The following PDE1A variants were observed in gnomAD, a reference collection of about 807,000 sequenced individuals.
The protein encoded by PDE1A is dual specificity calcium/calmodulin-dependent 3',5'-cyclic nucleotide phosphodiesterase 1A.
Under a neutral mutation model 61.7 loss-of-function variants are expected in PDE1A, and 35 were observed. That is an observed-to-expected ratio of 0.57 (90% CI 0.43 to 0.75). The LOEUF (loss-of-function observed/expected upper bound fraction) is 0.75, where lower values mean the gene tolerates loss of function less well. PDE1A is among the 30% of genes least tolerant of loss of function. The pLI is 0.00. For synonymous variants in PDE1A, 232 were observed against 213.2 expected, an observed-to-expected ratio of 1.09 and a Z score of -0.77; for missense variants, 597 against 630.6, an observed-to-expected ratio of 0.95 and a Z score of 0.57.
upstream of PDE1A, among the ~76,000 whole-genome samples, chr2:182,525,451 C>A (rs1690764193): frequency 6.6e-6 from 1 of 152,128 alleles, no homozygotes; most frequent in Admixed American, 6.6e-5. Flanking sequence ...TAGTTTGGAT[C>A]TGTGCCCACT....
At chr2:182,525,239 AT>A (rs568257840), upstream of PDE1A, among the ~76,000 whole-genome samples, 31 of 152,108 alleles carry the variant, frequency 2.0e-4, no homozygotes, top group South Asian at 3.3e-3. Flanking sequence ...ATATTACTTG[AT>A]TTTTTTCCTT....
At chr2:182,222,893 G>T (rs1358643005) in intron 7 of PDE1A, among the ~76,000 whole-genome samples, 2 of 151,978 alleles carry the variant, frequency 1.3e-5, no homozygotes, top group Non-Finnish European at 2.9e-5. Context: ...GTTGGATCCT[G>T]ATGGGGCCTA....
the PDE1A span, among the ~76,000 whole-genome samples, chr2:182,537,723 G>A: frequency 1.3e-5 from 2 of 152,016 alleles, no homozygotes; most frequent in East Asian, 3.9e-4. Flanking sequence ...CAAGCAGAGG[G>A]AGCAGCAAAT....
At chr2:182,479,514 G>A (rs953522419) in intron 2 of PDE1A, among the ~76,000 whole-genome samples, 3 of 151,710 alleles carry the variant, frequency 2.0e-5, no homozygotes, top group Admixed American at 6.6e-5. Context: ...AAGGCAGGCA[G>A]GCAAGAAGGA....
intron 1 of PDE1A, among the ~76,000 whole-genome samples, chr2:182,341,505 T>C (rs982689002): frequency 4.6e-5 from 7 of 152,204 alleles, no homozygotes; most frequent in Non-Finnish European, 1.5e-5. Context: ...ATCTACCTCA[T>C]AGTTCCCTTC....
chr2:182,421,254 T>C (rs1285586579), intron 1 of PDE1A, among the ~76,000 whole-genome samples: 1 of 152,150 alleles, frequency 6.6e-6, no homozygotes. Context: ...GAAAAGCCAT[T>C]TCTAAATCTT....
At chr2:182,196,545 C>T (rs1386575368) in intron 10 of PDE1A, among the ~76,000 whole-genome samples, 1 of 151,620 alleles carries the variant, frequency 6.6e-6, no homozygotes, top group Non-Finnish European at 1.5e-5. Flanking sequence ...AGGGTATAAA[C>T]AGGAACACTT....
the PDE1A span, among the ~76,000 whole-genome samples, chr2:182,602,810 C>T: frequency 1.3e-5 from 2 of 152,090 alleles, no homozygotes; most frequent in Non-Finnish European, 2.9e-5. Context: ...GAGAATAAAA[C>T]AACATTAGAA....
exon 13 of PDE1A, chr2:182,185,911 C>G (rs1337502335): frequency 6.2e-7 from 1 of 1,613,888 alleles, no homozygotes; most frequent in East Asian, 2.2e-5. Context: ...CTAACTCTTT[C>G]CACCTCTCTT....
intron 1 of PDE1A, among the ~76,000 whole-genome samples, chr2:182,412,799 T>C (rs1217251233): frequency 6.6e-6 from 1 of 152,178 alleles, no homozygotes; most frequent in Non-Finnish European, 1.5e-5. Context: ...GTCTTAGCCA[T>C]CAAGTTTACA....
chr2:182,684,699 C>T, the PDE1A span, among the ~76,000 whole-genome samples: 15 of 152,210 alleles, frequency 9.9e-5, no homozygotes, highest in East Asian at 3.9e-4. Flanking sequence ...TACAGGCATG[C>T]GCCACCACAC....
chr2:182,161,884 AC>A (rs1276355655), intron 13 of PDE1A, among the ~76,000 whole-genome samples: 1 of 152,106 alleles, frequency 6.6e-6, no homozygotes, highest in Admixed American at 6.5e-5. Flanking sequence ...AGGAGTGAAA[AC>A]AGGCACTATA....
upstream of PDE1A, chr2:182,427,051 T>C: frequency 2.0e-6 from 2 of 990,022 alleles, no homozygotes; most frequent in Non-Finnish European, 2.4e-6. Context: ...AGTCCCTCCC[T>C]GTCTTTAAAA....
intron 6 of PDE1A, among the ~76,000 whole-genome samples, chr2:182,228,453 G>C (rs556002711): frequency 6.6e-6 from 1 of 152,246 alleles, no homozygotes; most frequent in East Asian, 1.9e-4. Context: ...CACTAAAGTA[G>C]ATGGCCCAGT....
In PDE1A at chr2:182,477,917, C is replaced by T. The variant is rs72885169; in HGVS notation, c.101+44359G>A. Reference sequence around the variant, plus strand: ...CTTTTGTGGAGGACTGGGGGATCTTCATTCTCTAGATTCCAGGTGTGTAGG... The same window carrying T: ...CTTTTGTGGAGGACTGGGGGATCTTTATTCTCTAGATTCCAGGTGTGTAGG... On this transcript the variant is annotated intron_variant, in intron 2 of 14. Coordinates refer to the PDE1A transcript ENST00000410103. Among the ~76,000 whole-genome samples, 1,078 of 151,944 alleles carry T rather than the reference C, an allele frequency of 7.1e-3. 4 individuals are homozygous for T. Among genetic ancestry groups the T allele is most frequent in the Non-Finnish European group, 0.011 (773 of 67,898 alleles).
intron 1 of PDE1A, among the ~76,000 whole-genome samples, chr2:182,317,436 T>C (rs1026591268): frequency 1.3e-5 from 2 of 152,120 alleles, no homozygotes; most frequent in African/African-American, 2.4e-5. Flanking sequence ...ATGCATGCCA[T>C]GGCAAATTCT....
At chr2:182,151,246 C>A (rs1311404886) in intron 13 of PDE1A, among the ~76,000 whole-genome samples, 9 of 152,146 alleles carry the variant, frequency 5.9e-5, no homozygotes, top group Non-Finnish European at 1.3e-4. Context: ...TGCCACCACA[C>A]CCAGCTAATT....
chr2:182,536,864 G>A, the PDE1A span, among the ~76,000 whole-genome samples: 2 of 152,076 alleles, frequency 1.3e-5, no homozygotes, highest in Non-Finnish European at 2.9e-5. Flanking sequence ...CACCACGGAA[G>A]AATTCTGATT....
intron 1 of PDE1A, among the ~76,000 whole-genome samples, chr2:182,350,485 G>A (rs2125098301): frequency 6.6e-6 from 1 of 152,300 alleles, no homozygotes; most frequent in Non-Finnish European, 1.5e-5. Flanking sequence ...TACAAGGTCA[G>A]TTATAGAATG....
Sources: allele counts gnomAD v4.1 joint callset (sites outside exome capture counted in the v4.1 genomes callset), GRCh38; gene constraint gnomAD v4.1.1; transcripts MANE v1.5; gene names NCBI Gene and HGNC (gene_info 2026-07-23, HGNC 2026-07-21).